PCDH11X: variants seen among roughly 807,000 people sequenced by gnomAD.
The protein encoded by PCDH11X is protocadherin 11 X-linked.
In PCDH11X, 18 loss-of-function variants were observed where a neutral mutation model predicts 53.3. The observed-to-expected ratio is 0.34, with a 90% CI of 0.23 to 0.50. The LOEUF (loss-of-function observed/expected upper bound fraction) is 0.50. Among genes scored for constraint, PCDH11X ranks in the 20% least tolerant of loss-of-function variants. The pLI is 0.98. For missense variants in PCDH11X, 570 were observed against 1,032.4 expected (o/e 0.55, Z 6.14); for synonymous variants, 279 against 393.3 (o/e 0.71, Z 3.44).
intron 6 of PCDH11X, among the ~76,000 whole-genome samples, chrX:91,886,983 AAAAG>A (rs1940250925): frequency 1.1e-5 from 1 of 93,672 alleles, no homozygotes; most frequent in Non-Finnish European, 2.0e-5. Flanking sequence ...AAAAAAAAAA[AAAAG>A]AAAAGAAAAG....
intron 1 of PCDH11X, among the ~76,000 whole-genome samples, chrX:91,796,942 G>A (rs983934321): frequency 6.3e-5 from 7 of 111,301 alleles, no homozygotes; most frequent in South Asian, 7.5e-4. Context: ...ACCAGAATGC[G>A]AAATATAAAT....
chrX:92,589,290 G>T (rs1478501312), intron 10 of PCDH11X, among the ~76,000 whole-genome samples: 1 of 111,316 alleles, frequency 9.0e-6, no homozygotes. Flanking sequence ...CAGAAAACCG[G>T]CATATTATAA....
At chrX:92,132,689 A>G (rs1422058538) in intron 6 of PCDH11X, among the ~76,000 whole-genome samples, 1,682 of 65,308 alleles carry the variant, frequency 0.026, 33 homozygotes, top group African/African-American at 0.11. Context: ...ATATATATGT[A>G]TATATATATA....
At chrX:91,975,007 C>T (rs1182037500) in intron 6 of PCDH11X, among the ~76,000 whole-genome samples, 2 of 111,029 alleles carry the variant, frequency 1.8e-5, no homozygotes, top group South Asian at 3.9e-4. Flanking sequence ...CTGCCTCGGC[C>T]GCCCAAAGTG....
chrX:92,263,026 A>AG, intron 7 of PCDH11X, 88 bp from the exon 8 acceptor site: 1 of 901,673 alleles, frequency 1.1e-6, no homozygotes, highest in Non-Finnish European at 1.5e-6. Context: ...AAAAAAAAAA[A>AG]TGTATTTGCA....
intron 9 of PCDH11X, among the ~76,000 whole-genome samples, chrX:92,411,953 GGGA>G (rs1489385289): frequency 0.47 from 1,328 of 2,832 alleles, 177 homozygotes; most frequent in African/African-American, 0.57. Flanking sequence ...GAGGAGGAGT[GGGA>G]GGAGGAGGAG....
At chrX:92,103,199 G>T (rs750105878) in intron 6 of PCDH11X, among the ~76,000 whole-genome samples, 1 of 110,636 alleles carries the variant, frequency 9.0e-6, no homozygotes, top group South Asian at 3.9e-4. Context: ...CAGATAATTT[G>T]GTTAAAATAT....
At chrX:92,513,632 A>G (rs2074204108) in intron 10 of PCDH11X, among the ~76,000 whole-genome samples, 1 of 108,070 alleles carries the variant, frequency 9.3e-6, no homozygotes, top group Non-Finnish European at 1.9e-5. Context: ...ACTTATGTCA[A>G]CATTTTTTTC....
intron 6 of PCDH11X, among the ~76,000 whole-genome samples, chrX:92,137,355 G>T (rs755283732): frequency 9.0e-6 from 1 of 111,578 alleles, no homozygotes; most frequent in African/African-American, 3.2e-5. Flanking sequence ...GTTGAAGAAT[G>T]TCTGCTGTAG....
At chrX:91,808,734 C>T (rs1936204867) in intron 1 of PCDH11X, among the ~76,000 whole-genome samples, 1 of 109,563 alleles carries the variant, frequency 9.1e-6, no homozygotes, top group Admixed American at 9.7e-5. Flanking sequence ...TCTGGCACTG[C>T]CCAAATAATT....
intron 9 of PCDH11X, among the ~76,000 whole-genome samples, chrX:92,419,857 T>C (rs1454513505): frequency 9.2e-6 from 1 of 108,530 alleles, no homozygotes; most frequent in Admixed American, 9.9e-5. Context: ...TTTTTTTGTA[T>C]TTTTAGTAGA....
intron 5 of PCDH11X, among the ~76,000 whole-genome samples, chrX:91,863,811 C>T (rs34440786): frequency 0.2 from 21,883 of 110,386 alleles, 1,827 homozygotes; most frequent in East Asian, 0.31. Context: ...CAAATACCAT[C>T]TTATAATGCA....
In PCDH11X at chrX:91,938,326, C is replaced by T. The variant is rs771934186; in HGVS notation, c.3033+59053C>T. On this transcript the variant is annotated intron_variant, in intron 6 of 10. Transcript: ENST00000682573. ...AGAGAGAGAATATATGAAATGACAT[C>T]TGTCAAATTATGGACCTCAGGCAAA... Among the ~76,000 whole-genome samples the T allele has an allele frequency of 1.4e-4, 15 of 107,240 alleles. No homozygotes were observed. The South Asian group carries it at 5.0e-3, about 36-fold the overall frequency. 93.1% of individuals were successfully genotyped at this position (107,240 alleles called of 115,157 possible).
intron 6 of PCDH11X, among the ~76,000 whole-genome samples, chrX:92,004,051 T>C (rs2062555500): frequency 9.2e-6 from 1 of 108,952 alleles, no homozygotes; most frequent in African/African-American, 3.3e-5. Flanking sequence ...ATACTGCTTT[T>C]GCTGTATTCC....
chrX:92,032,879 A>G (rs1462996452), intron 6 of PCDH11X, among the ~76,000 whole-genome samples: 1 of 108,135 alleles, frequency 9.2e-6, no homozygotes, highest in Non-Finnish European at 1.9e-5. Context: ...GGCTAATGCA[A>G]TGACGGCTCA....
chrX:92,563,551 T>A (rs759687223), intron 10 of PCDH11X, among the ~76,000 whole-genome samples: 1 of 111,496 alleles, frequency 9.0e-6, no homozygotes, highest in African/African-American at 3.3e-5. Flanking sequence ...ACATCACATA[T>A]TTAAAGTACT....
chrX:92,473,708 T>C (rs1300084052), intron 10 of PCDH11X, among the ~76,000 whole-genome samples: 2 of 111,048 alleles, frequency 1.8e-5, no homozygotes, highest in Non-Finnish European at 3.8e-5. Flanking sequence ...ATTAACATAC[T>C]GATCATTCAG....
At chrX:92,000,534 G>A (rs967188452) in intron 6 of PCDH11X, among the ~76,000 whole-genome samples, 3 of 104,425 alleles carry the variant, frequency 2.9e-5, no homozygotes, top group African/African-American at 1.0e-4. Context: ...CATAGAGAAG[G>A]GAGTATCCAT....
At chrX:92,585,571 T>C (rs1211827692) in intron 10 of PCDH11X, among the ~76,000 whole-genome samples, 1 of 108,391 alleles carries the variant, frequency 9.2e-6, no homozygotes, top group Non-Finnish European at 1.9e-5. Context: ...GGGGTTTCAC[T>C]GTGTTAGCCA....
Sources: allele counts gnomAD v4.1 joint callset (sites outside exome capture counted in the v4.1 genomes callset), GRCh38; gene constraint gnomAD v4.1.1; transcripts MANE v1.5; gene names NCBI Gene and HGNC (gene_info 2026-07-23, HGNC 2026-07-21).